Variants in ABCA4 observed in about 807,000 individuals in gnomAD.
The protein encoded by ABCA4 is retinal-specific phospholipid-transporting ATPase ABCA4.
ABCA4 carries 196 observed loss-of-function variants against 263.7 expected under a neutral mutation model. The observed-to-expected ratio is 0.74, with a 90% CI of 0.66 to 0.84. The LOEUF is 0.84. ABCA4 is among the 40% of genes least tolerant of loss of function. ABCA4 has a pLI of 0.00. For synonymous variants in ABCA4, 1,133 were observed against 1,094.2 expected (o/e 1.04, Z -0.70); for missense variants, 2,792 against 2,855.1 (o/e 0.98, Z 0.50).
intron 14 of ABCA4, chr1:94,059,801 T>A (rs1306781743): frequency 6.6e-6 from 1 of 152,618 alleles, no homozygotes; most frequent in Non-Finnish European, 1.5e-5. Context: ...ATTTAACAAG[T>A]ACAAACTATC....
intron 1 of ABCA4, among the ~76,000 whole-genome samples, chr1:94,119,678 G>A (rs1276958382): frequency 6.6e-6 from 1 of 152,004 alleles, no homozygotes; most frequent in African/African-American, 2.4e-5. Context: ...CCTAGGGGTG[G>A]GAGCTGTGTC....
chr1:94,042,075 C>T (rs1250493702), intron 22 of ABCA4, among the ~76,000 whole-genome samples: 5 of 122,354 alleles, frequency 4.1e-5, no homozygotes, highest in East Asian at 2.6e-4. Context: ...CTCCAGCCTG[C>T]GCGACAGAGC....
intron 38 of ABCA4, among the ~76,000 whole-genome samples, chr1:94,012,898 T>G (rs942223568): frequency 6.6e-6 from 1 of 152,200 alleles, no homozygotes; most frequent in African/African-American, 2.4e-5. Context: ...GGTAAAGACC[T>G]CCTGATCTCA....
intron 6 of ABCA4, among the ~76,000 whole-genome samples, chr1:94,088,374 A>G (rs1383052098): frequency 2.6e-5 from 4 of 151,708 alleles, no homozygotes; most frequent in Non-Finnish European, 5.9e-5. Flanking sequence ...CACTCTGCAC[A>G]CTCCCCGGAT....
At chr1:94,116,697 C>G (rs1057424247) in intron 1 of ABCA4, among the ~76,000 whole-genome samples, 1 of 152,112 alleles carries the variant, frequency 6.6e-6, no homozygotes, top group African/African-American at 2.4e-5. Flanking sequence ...CTCAGCTTCC[C>G]CTCCCCAGAG....
At position 94,061,870 on chromosome 1, in the gene ABCA4, G is replaced by A. The variant is rs112535845; in HGVS notation, c.1937+707C>T. Among the ~76,000 whole-genome samples the A allele has an allele frequency of 2.5e-3, 385 of 152,328 alleles. 1 individual carries two copies. Among genetic ancestry groups the A allele is most frequent in the Non-Finnish European group, 4.5e-3 (307 of 68,034 alleles). ...TTTCCTGTGTCCACACTGAGTTTTA[G>A]GTGAACTCAATTGTAGATCTCTGCT... On this transcript the variant is annotated intron_variant, in intron 13 of 49. Transcript: ENST00000370225.
At chr1:94,062,462 C>A in intron 13 of ABCA4, 115 bp downstream of exon 13, 1 of 1,329,932 alleles carries the variant, frequency 7.5e-7, no homozygotes, top group Admixed American at 1.9e-5. Flanking sequence ...TGGCTCTGGT[C>A]CCTGGGGCTC....
chr1:93,998,031 G>C lies in ABCA4; in HGVS notation c.6559C>G (p.Gln2187Glu). 6.2e-7 allele frequency: 1 copy of C among 1,614,192 alleles called. No individual in the cohort carries two copies. Among genetic ancestry groups the C allele is most frequent in the African/African-American group, 1.3e-5 (1 of 75,044 alleles). Residue 2187 changes from glutamine (Q) to glutamate (E), a missense_variant, in exon 48 of 50, where the codon CAG (glutamine) becomes GAG (glutamate). Transcript: ENST00000370225. ...DLLPDLNPVE[Q>E]FFQGNFPGSV... ...CCTGGGAAGTTCCCCTGGAAGAACT[G>C]CTCCACAGGGTTCAGGTCAGGAAGC...
intron 11 of ABCA4, among the ~76,000 whole-genome samples, chr1:94,075,691 C>A (rs1661520753): frequency 1.3e-5 from 2 of 152,258 alleles, no homozygotes; most frequent in African/African-American, 4.8e-5. Flanking sequence ...CCCTCTCCTA[C>A]TGCTCACAGA....
At chr1:94,107,988 C>A (rs1662489063) in intron 4 of ABCA4, among the ~76,000 whole-genome samples, 1 of 152,158 alleles carries the variant, frequency 6.6e-6, no homozygotes, top group South Asian at 2.1e-4. Flanking sequence ...GTAGTCCAGT[C>A]CCTGCCTTCA....
At chr1:94,092,439 C>A (rs972302877) in intron 6 of ABCA4, among the ~76,000 whole-genome samples, 3 of 152,146 alleles carry the variant, frequency 2.0e-5, no homozygotes, top group African/African-American at 7.2e-5. Context: ...TGTTAAGCAT[C>A]AAATGAAAAG....
rs1197932971 is a variant in ABCA4, at chr1:94,114,317, C to T, written c.67-1251G>A. ...AAATAAATTGATGGGGGAAAATGAT[C>T]GTGCATTGAAGAAAGAAAAAGCAAA... On this transcript the variant is annotated intron_variant, in intron 1 of 49. Transcript: ENST00000370225. Among the ~76,000 whole-genome samples the T allele has an allele frequency of 2.0e-5, 3 of 152,054 alleles. 1 individual carries two copies. The highest frequency in any genetic ancestry group is 4.2e-4 in the South Asian group (2 of 4,818).
chr1:94,050,850 G>C (rs1031100279), intron 17 of ABCA4, among the ~76,000 whole-genome samples: 1 of 152,208 alleles, frequency 6.6e-6, no homozygotes, highest in African/African-American at 2.4e-5. Context: ...TGCAGGATAA[G>C]TCCTGGCCCA....
At chr1:93,998,184 G>C in intron 47 of ABCA4, 74 bp from the exon 48 acceptor site, 1 of 1,605,998 alleles carries the variant, frequency 6.2e-7, no homozygotes, top group Non-Finnish European at 8.5e-7. Context: ...ATAAGGAGTA[G>C]ACTCATCAGA....
chr1:94,105,538 G>A (rs1570428444), intron 4 of ABCA4, among the ~76,000 whole-genome samples: 1 of 152,086 alleles, frequency 6.6e-6, no homozygotes, highest in South Asian at 2.1e-4. Flanking sequence ...ATGTGAACTG[G>A]GAGCCTGAGG....
intron 25 of ABCA4, 103 bp downstream of exon 25, chr1:94,037,042 C>T (rs995914919): frequency 3.2e-5 from 41 of 1,264,028 alleles, no homozygotes; most frequent in African/African-American, 7.3e-5. Context: ...GGGTGGGGAA[C>T]GATGGCTTTT....
At chr1:94,062,985 A>G (rs1388262443) in intron 12 of ABCA4, 127 bp downstream of exon 12, 20 of 1,117,190 alleles carry the variant, frequency 1.8e-5, no homozygotes, top group Non-Finnish European at 2.6e-5. Flanking sequence ...TTTATAAAAT[A>G]TCTTATTTTT....
Position 94,015,747 on chromosome 1 carries a change from C to G in ABCA4, c.5304G>C (p.Leu1768=). The G allele has an allele frequency of 1.2e-6, 2 of 1,613,700 alleles. No homozygotes were observed. Among genetic ancestry groups the G allele is most frequent in the Non-Finnish European group, 1.7e-6 (2 of 1,179,840 alleles). ...ENLPALVALL[L]LYGWAVIPMM... is the part of the protein sequence containing the mutation. ...TGGCCCAAACGGCTTACCCATACAGCAGGAGCAGTGCCACAAGGGCAGGAA... is the reference window on the plus strand; with the variant it reads ...TGGCCCAAACGGCTTACCCATACAGGAGGAGCAGTGCCACAAGGGCAGGAA... The change falls in exon 37 of 50, where the codon CTG becomes CTC. Residue 1768 remains leucine, a synonymous_variant. Transcript: ENST00000370225.
chr1:94,001,647 C>T (rs1449479903), intron 45 of ABCA4: 1 of 749,614 alleles, frequency 1.3e-6, no homozygotes, highest in East Asian at 2.8e-5. Flanking sequence ...GTGCGCAGTC[C>T]CAAGTCAAGG....
Sources: allele counts gnomAD v4.1 joint callset (sites outside exome capture counted in the v4.1 genomes callset), GRCh38; gene constraint gnomAD v4.1.1; transcripts MANE v1.5; gene names NCBI Gene and HGNC (gene_info 2026-07-23, HGNC 2026-07-21).